The following MECOM variants were observed in gnomAD, a reference collection of about 807,000 sequenced individuals.
MECOM encodes histone-lysine N-methyltransferase MECOM.
MECOM carries 13 observed loss-of-function variants against 116.3 expected under a neutral mutation model. The observed-to-expected ratio is 0.11, with a 90% confidence interval of 0.07 to 0.18. The LOEUF is 0.18. MECOM is among the 10% of genes least tolerant of loss of function. The pLI is 1.00. For missense variants in MECOM, 1,299 were observed against 1,509.0 expected, an observed-to-expected ratio of 0.86 and a Z score of 2.31; for synonymous variants, 528 against 535.2, an observed-to-expected ratio of 0.99 and a Z score of 0.19.
chr3:169,491,097 A>G (rs959516522), intron 1 of MECOM, among the ~76,000 whole-genome samples: 2 of 152,044 alleles, frequency 1.3e-5, no homozygotes, highest in Admixed American at 6.5e-5. Context: ...GGCTCAAGCA[A>G]TCCTCCACTT....
intron 2 of MECOM, among the ~76,000 whole-genome samples, chr3:169,343,106 A>G (rs761816950): frequency 5.3e-5 from 8 of 152,172 alleles, no homozygotes; most frequent in Non-Finnish European, 4.4e-5. Flanking sequence ...AGGAGAGAAG[A>G]TGGATGTTCT....
chr3:169,098,565 T>C (rs990316773), intron 12 of MECOM, among the ~76,000 whole-genome samples: 7 of 152,244 alleles, frequency 4.6e-5, no homozygotes, highest in Admixed American at 6.5e-5. Context: ...AGGTAGTATC[T>C]GCCAGGTTTG....
chr3:169,116,458 C>T lies in MECOM; in HGVS notation c.1414G>A (p.Ala472Thr), dbSNP rs750829949. The T allele has an allele frequency of 4.3e-5, 69 of 1,614,092 alleles. No homozygotes were observed. Among genetic ancestry groups the T allele is most frequent in the Middle Eastern group, 3.3e-4 (2 of 6,062 alleles). The change falls in exon 8 of 17, where the codon GCC (alanine) becomes ACC (threonine). Residue 472 changes from alanine (A) to threonine (T), a missense_variant. Ala to Thr is a moderately conservative substitution (Grantham distance 58, BLOSUM62 0). Transcript: ENST00000651503. The stretch of plus-strand genomic sequence containing the variant: ...GTAAGACCAGCAGGATGCCTATTGG[C>T]GCCAAAATAGTCAGCAAGGCCCGGG... ...ANPGLADYFG[A>T]NRHPAGLTFP...
chr3:169,283,070 G>T (rs1712469586), intron 2 of MECOM, among the ~76,000 whole-genome samples: 1 of 152,078 alleles, frequency 6.6e-6, no homozygotes, highest in Non-Finnish European at 1.5e-5. Context: ...AGTTGCTCAG[G>T]ATCAGAGATT....
At chr3:169,099,738 T>G (rs1453048944) in intron 12 of MECOM, among the ~76,000 whole-genome samples, 1 of 152,162 alleles carries the variant, frequency 6.6e-6, no homozygotes, top group Non-Finnish European at 1.5e-5. Context: ...CATTATGATA[T>G]TACTTAAGTT....
At chr3:169,318,625 C>A (rs1412947046) in intron 2 of MECOM, among the ~76,000 whole-genome samples, 1 of 152,130 alleles carries the variant, frequency 6.6e-6, no homozygotes, top group Non-Finnish European at 1.5e-5. Context: ...ACGACAGATG[C>A]TGGAGAGGAT....
intron 1 of MECOM, among the ~76,000 whole-genome samples, chr3:169,532,724 C>T (rs370840924): frequency 6.6e-6 from 1 of 152,136 alleles, no homozygotes; most frequent in Non-Finnish European, 1.5e-5. Flanking sequence ...ATTTTTACAT[C>T]GCTGGCTCCT....
rs575628323 is a variant in MECOM, at chr3:169,167,790, C to G, written c.376-23958G>C. Among the ~76,000 whole-genome samples, 3 of 152,152 alleles carry G rather than the reference C, an allele frequency of 2.0e-5. No individual in the cohort carries two copies. In the South Asian group the frequency reaches 6.2e-4, roughly 32 times the overall value. On this transcript the variant is annotated intron_variant, in intron 2 of 16. Coordinates refer to ENST00000651503, the MANE Select transcript of MECOM (RefSeq NM_004991.4). ...AGACACTCACACACACACACAAACA[C>G]ACACACACAGCTTCAAAATTGCTTT...
intron 2 of MECOM, among the ~76,000 whole-genome samples, chr3:169,285,546 A>T (rs74473354): frequency 0.024 from 3,721 of 152,314 alleles, 104 homozygotes; most frequent in East Asian, 0.13. Context: ...CATATCTGGT[A>T]TCTTGTAGAA....
intron 1 of MECOM, among the ~76,000 whole-genome samples, chr3:169,548,095 C>T (rs529255274): frequency 8.5e-5 from 13 of 152,164 alleles, no homozygotes; most frequent in African/African-American, 2.7e-4. Context: ...TAAAATATAT[C>T]GCTTATTAAA....
At chr3:169,334,185 AT>A (rs1379012611) in intron 2 of MECOM, among the ~76,000 whole-genome samples, 2 of 152,092 alleles carry the variant, frequency 1.3e-5, no homozygotes, top group Non-Finnish European at 2.9e-5. Context: ...TTGCATAACT[AT>A]TTTTAGCTAC....
chr3:169,424,134 A>G (rs1158212338), intron 1 of MECOM, among the ~76,000 whole-genome samples: 4 of 152,094 alleles, frequency 2.6e-5, no homozygotes, highest in African/African-American at 7.2e-5. Flanking sequence ...AGTTATTCCA[A>G]TTGAAATAAA....
intron 2 of MECOM, among the ~76,000 whole-genome samples, chr3:169,375,700 C>CA (rs1730902263): frequency 6.6e-6 from 1 of 151,806 alleles, no homozygotes; most frequent in African/African-American, 2.4e-5. Flanking sequence ...GTCTACCAAC[C>CA]AAAAAAAGCC....
Position 169,176,578 on chromosome 3 carries a change from CA to C in MECOM, c.376-32747del, listed in dbSNP as rs1577257584. Among the ~76,000 whole-genome samples the C allele has an allele frequency of 3.3e-5, 5 of 152,060 alleles. No individual in the cohort carries two copies. The East Asian group carries it at 9.6e-4, about 29-fold the overall frequency. On this transcript the variant is annotated intron_variant, in intron 2 of 16. Transcript: ENST00000651503. Reference sequence around the variant, plus strand: ...ATGGGCAAAGACTTCATGATGAAAACACCAAAAGTAATTTCAAAAAAACCCA... The same window carrying C: ...ATGGGCAAAGACTTCATGATGAAAACCCAAAAGTAATTTCAAAAAAACCCA...
chr3:169,391,554 A>G (rs1244071580), intron 1 of MECOM, among the ~76,000 whole-genome samples: 3 of 152,162 alleles, frequency 2.0e-5, no homozygotes, highest in Non-Finnish European at 4.4e-5. Flanking sequence ...TCATTGAAAA[A>G]CATAAAGGAA....
chr3:169,598,970 T>C (rs1029107804), intron 1 of MECOM, among the ~76,000 whole-genome samples: 3 of 152,158 alleles, frequency 2.0e-5, no homozygotes, highest in African/African-American at 7.2e-5. Context: ...CTAATAGAAT[T>C]GTTATTGATA....
intron 9 of MECOM, among the ~76,000 whole-genome samples, chr3:169,108,644 C>T (rs918084721): frequency 1.3e-5 from 2 of 152,094 alleles, no homozygotes; most frequent in Non-Finnish European, 2.9e-5. Flanking sequence ...TTTGCTTATA[C>T]ATGTTTTGGT....
chr3:169,398,883 G>A (rs776197467), intron 1 of MECOM, among the ~76,000 whole-genome samples: 2 of 152,114 alleles, frequency 1.3e-5, no homozygotes, highest in African/African-American at 4.8e-5. Flanking sequence ...GGTATGGAAG[G>A]CCTTGCTAAA....
chr3:169,468,011 T>C (rs1578181450), intron 1 of MECOM, among the ~76,000 whole-genome samples: 1 of 152,148 alleles, frequency 6.6e-6, no homozygotes, highest in African/African-American at 2.4e-5. Flanking sequence ...AACTCCCTTC[T>C]CCTCTTTTTA....
Sources: allele counts gnomAD v4.1 joint callset (sites outside exome capture counted in the v4.1 genomes callset), GRCh38; gene constraint gnomAD v4.1.1; transcripts MANE v1.5; gene names NCBI Gene and HGNC (gene_info 2026-07-23, HGNC 2026-07-21).